The following DSCAML1 variants were observed in gnomAD, a reference collection of about 807,000 sequenced individuals.
The protein encoded by DSCAML1 is DS cell adhesion molecule like 1.
A neutral mutation model predicts 200.5 loss-of-function variants in DSCAML1; 38 were observed. That is an observed-to-expected ratio of 0.19 (90% CI 0.15 to 0.25). The LOEUF is 0.25. DSCAML1 is among the 10% of genes least tolerant of loss of function. DSCAML1 has a pLI of 1.00. For synonymous variants in DSCAML1, 1,215 were observed against 1,165.0 expected (o/e 1.04, Z -0.87); for missense variants, 2,223 against 2,858.8 (o/e 0.78, Z 5.07).
rs2051227068 is a variant in DSCAML1, at chr11:117,590,039, C to CATTGTTATTATCTGCATTGTTAT, written c.512-57518_512-57517insATAACAATGCAGATAATAACAAT. Among the ~76,000 whole-genome samples the CATTGTTATTATCTGCATTGTTAT allele has an allele frequency of 2.6e-5, 4 of 152,302 alleles. No individual in the cohort carries two copies. The South Asian group carries it at 8.3e-4, about 32-fold the overall frequency. On this transcript the variant is annotated intron_variant, in intron 3 of 32. Coordinates refer to ENST00000651296, the MANE Select transcript of DSCAML1 (RefSeq NM_020693.4). ...AGGTATTTTTTGCCTTATCCAAATA[C>CATTGTTATTATCTGCATTGTTAT]TATCTGCATTGTTATTTATTTAATA...
chr11:117,724,052 T>G (rs2054081678), intron 3 of DSCAML1, among the ~76,000 whole-genome samples: 2 of 152,346 alleles, frequency 1.3e-5, no homozygotes, highest in African/African-American at 4.8e-5. Flanking sequence ...GAAGCAACCC[T>G]GCACTCTCTT....
In DSCAML1 at chr11:117,467,665, C is replaced by G. The variant is rs573070889; in HGVS notation, c.3024+2245G>C. Among the ~76,000 whole-genome samples the G allele has an allele frequency of 7.5e-4, 114 of 152,134 alleles. No individual in the cohort carries two copies. The Middle Eastern group carries it at 0.017, about 23-fold the overall frequency. On this transcript the variant is annotated intron_variant, in intron 16 of 32. Coordinates refer to ENST00000651296, the MANE Select transcript of DSCAML1 (RefSeq NM_020693.4). The stretch of plus-strand genomic sequence containing the variant: ...TAATTGACTTTACTCTTTGTTGCTG[C>G]TTGAATGTTTCTCTCTGCACTTGGG...
Position 117,578,236 on chromosome 11 carries a change from G to GGAAA in DSCAML1, c.512-45715_512-45714insTTTC, listed in dbSNP as rs755668465. Among the ~76,000 whole-genome samples, 280 of 101,392 alleles carry GGAAA rather than the reference G, an allele frequency of 2.8e-3. 2 individuals carry two copies. Among genetic ancestry groups the GGAAA allele is most frequent in the African/African-American group, 0.011 (260 of 22,826 alleles). 66.5% of individuals were successfully genotyped at this position (101,392 alleles called of 152,430 possible). A position where few individuals can be genotyped will look rare whatever the true frequency, so the allele number is the denominator to read the frequency against. ...GGCAACAAGAGCGAAACTCTGTCTC[G>GGAAA]AAAAAAAAAAAAAAAAAAAAGAAGA... On this transcript the variant is annotated intron_variant, in intron 3 of 32. Transcript: ENST00000651296.
In DSCAML1 at chr11:117,438,078, C is replaced by G. The variant is rs371067137; in HGVS notation, c.4249G>C (p.Val1417Leu). The change falls in exon 25 of 33, where the codon GTG (valine) becomes CTG (leucine). Residue 1417 changes from valine (V) to leucine (L), a missense_variant. Val to Leu is a conservative substitution (Grantham distance 32, BLOSUM62 1). Coordinates refer to ENST00000651296, the MANE Select transcript of DSCAML1 (RefSeq NM_020693.4). ...CTGTTGTCCACCGAGTACTGTAGCA[C>G]GAAGCCTGCGGAGGGTAGGCCTGAT... ...DNGGSSIRGF[V>L]LQYSVDNSEE... The G allele has an allele frequency of 2.5e-6, 4 of 1,610,230 alleles. No homozygotes were observed. The highest frequency in any genetic ancestry group is 2.2e-5 in the East Asian group (1 of 44,806).
intron 20 of DSCAML1, among the ~76,000 whole-genome samples, chr11:117,444,944 G>C (rs1048768015): frequency 1.3e-5 from 2 of 152,170 alleles, no homozygotes; most frequent in African/African-American, 4.8e-5. Context: ...GGGCCCCTTT[G>C]AAAACAGAGC....
chr11:117,643,287 T>C (rs1458539333), intron 3 of DSCAML1, among the ~76,000 whole-genome samples: 1 of 152,128 alleles, frequency 6.6e-6, no homozygotes, highest in African/African-American at 2.4e-5. Context: ...AGGACTGGGA[T>C]GGAGAACTGA....
rs544215713 is a variant in DSCAML1, at chr11:117,491,982, G to T, written c.2360-9820C>A. ...TGCCAGGTGGGTGGTCTGGGGGAGG[G>T]TCTGGAGGAGGTTCTCAGGCCTGGC... On this transcript the variant is annotated intron_variant, in intron 11 of 32. Transcript: ENST00000651296. Among the ~76,000 whole-genome samples the T allele has an allele frequency of 4.6e-5, 7 of 152,202 alleles. No individual in the cohort carries two copies. In the South Asian group the frequency reaches 1.5e-3, roughly 32 times the overall value.
rs2055208543 is a variant in DSCAML1 at position 117,780,191 on chromosome 11, GAA to G, written c.364+300_364+301del. The stretch of plus-strand genomic sequence containing the variant: ...AGAAAGAAAAAAAGAAAAAAAGAAA[GAA>G]AGAAAGAGAAAGAAAGAGAGAGAGA... On this transcript the variant is annotated intron_variant, in intron 2 of 32. Transcript: ENST00000651296. The surrounding 1 kb of genome is among the most constrained non-coding windows in gnomAD (Gnocchi z 4.8). 1.6e-5 allele frequency among the ~76,000 whole-genome samples: 1 copy of G among 61,596 alleles called. No homozygotes were observed. Among genetic ancestry groups the G allele is most frequent in the African/African-American group, 4.7e-5 (1 of 21,378 alleles). The allele number at this position is 61,596 out of a possible 152,430, so 40.4% of individuals were successfully genotyped here. A position where few individuals can be genotyped will look rare whatever the true frequency, so the allele number is the denominator to read the frequency against.
intron 4 of DSCAML1, among the ~76,000 whole-genome samples, chr11:117,529,765 T>C (rs1233587841): frequency 6.6e-6 from 1 of 151,744 alleles, no homozygotes; most frequent in Non-Finnish European, 1.5e-5. Flanking sequence ...TGCCTGCCTC[T>C]CTGTGGGGAC....
chr11:117,599,515 G>A (rs186938597), intron 3 of DSCAML1, among the ~76,000 whole-genome samples: 61 of 152,306 alleles, frequency 4.0e-4, no homozygotes, highest in African/African-American at 1.3e-3. Context: ...AATTGTAAAT[G>A]GGTGAAAAGG....
chr11:117,765,233 T>C (rs142220953), intron 3 of DSCAML1, among the ~76,000 whole-genome samples: 310 of 152,352 alleles, frequency 2.0e-3, no homozygotes, highest in African/African-American at 7.0e-3. Context: ...ACCGGCTTGC[T>C]ATTCCACTGT....
intron 18 of DSCAML1, among the ~76,000 whole-genome samples, chr11:117,459,616 C>T (rs1647765434): frequency 6.6e-6 from 1 of 152,244 alleles, no homozygotes; most frequent in African/African-American, 2.4e-5. Flanking sequence ...CCCAACGTCC[C>T]AGCCCTGCAA....
chr11:117,610,180 T>C (rs1466065694), intron 3 of DSCAML1, among the ~76,000 whole-genome samples: 2 of 152,242 alleles, frequency 1.3e-5, no homozygotes, highest in East Asian at 1.9e-4. Flanking sequence ...GGATTGTTTA[T>C]GTACATTCTT....
At chr11:117,695,320 T>C (rs1480134314) in intron 3 of DSCAML1, among the ~76,000 whole-genome samples, 23 of 145,028 alleles carry the variant, frequency 1.6e-4, no homozygotes, top group East Asian at 1.0e-3. Flanking sequence ...TTTTTCTTTT[T>C]TTTTTTTTTT....
chr11:117,445,642 G>T (rs577503537), intron 20 of DSCAML1, among the ~76,000 whole-genome samples: 1 of 152,170 alleles, frequency 6.6e-6, no homozygotes, highest in African/African-American at 2.4e-5. Context: ...ATTCTTCTCC[G>T]GGCTTGTTTT....
At chr11:117,629,257 G>A (rs2052120394) in intron 3 of DSCAML1, among the ~76,000 whole-genome samples, 1 of 152,212 alleles carries the variant, frequency 6.6e-6, no homozygotes, top group Non-Finnish European at 1.5e-5. Context: ...CTGAAGCGGG[G>A]AGGTACATGT....
chr11:117,471,248 A>G (rs2048679952), intron 15 of DSCAML1, among the ~76,000 whole-genome samples: 1 of 151,158 alleles, frequency 6.6e-6, no homozygotes, highest in African/African-American at 2.4e-5. Context: ...CTTGGCTCAC[A>G]GCAAGCTCTG....
intron 19 of DSCAML1, among the ~76,000 whole-genome samples, chr11:117,453,746 C>CTTTCTT (rs748920908): frequency 3.6e-5 from 5 of 138,174 alleles, no homozygotes; most frequent in East Asian, 2.2e-4. Flanking sequence ...TTCTTTCTTT[C>CTTTCTT]TTTTTTTTTT....
At chr11:117,576,153 C>A (rs527814539) in intron 3 of DSCAML1, among the ~76,000 whole-genome samples, 13 of 152,234 alleles carry the variant, frequency 8.5e-5, no homozygotes, top group Middle Eastern at 3.4e-3. Context: ...GGCTGCTGTA[C>A]CCTTACCCGG....
Sources: allele counts gnomAD v4.1 joint callset (sites outside exome capture counted in the v4.1 genomes callset), GRCh38; gene constraint gnomAD v4.1.1; non-coding constraint Gnocchi (gnomAD v3.1); transcripts MANE v1.5; gene names NCBI Gene and HGNC (gene_info 2026-07-23, HGNC 2026-07-21).